CELF2: variants seen among roughly 807,000 people sequenced by gnomAD.
CELF2 encodes CUG triplet repeat RNA-binding protein 2.
In CELF2, 8 loss-of-function variants were observed where a neutral mutation model predicts 62.6. That is an observed-to-expected ratio of 0.13 (90% CI 0.07 to 0.23). The LOEUF is 0.23. CELF2 is among the 10% of genes least tolerant of loss of function. CELF2 has a pLI of 1.00. For missense variants in CELF2, 333 were observed against 671.0 expected (o/e 0.50, Z 5.56); for synonymous variants, 258 against 250.0 (o/e 1.03, Z -0.30).
the CELF2 span, among the ~76,000 whole-genome samples, chr10:10,684,489 T>C: frequency 6.6e-6 from 1 of 152,126 alleles, no homozygotes; most frequent in Non-Finnish European, 1.5e-5. Flanking sequence ...ACGCCTGTAA[T>C]CCCAGGACTT....
rs545994222 is a variant in CELF2 at position 11,078,864 on chromosome 10, G to T, written c.74+60701G>T. ...TGCTATTGGGCACATCCATTGCTTT[G>T]CTTTAGAGAATCATGCTGCTCCCTT... On this transcript the variant is annotated intron_variant, in intron 1 of 12. Coordinates refer to ENST00000633077, the MANE Select transcript of CELF2 (RefSeq NM_001326342.2). Among the ~76,000 whole-genome samples the T allele has an allele frequency of 2.0e-5, 3 of 152,266 alleles. No individual in the cohort carries two copies. In the East Asian group the frequency reaches 5.8e-4, roughly 29 times the overall value.
Position 11,318,440 on chromosome 10 carries a change from A to C in CELF2, c.1097-2749A>C, listed in dbSNP as rs1025603473. 1.0e-5 allele frequency: 3 copies of C among 295,590 alleles called. No individual in the cohort carries two copies. The highest frequency in any genetic ancestry group is 6.0e-5 in the South Asian group (2 of 33,608). The allele number at this position is 295,590 out of a possible 1,614,324, so 18.3% of individuals were successfully genotyped here. ...ATGGTACCGCCTCTGCCACCTCCCC[A>C]GGGAAACAGGGCTGGCCACAGCTGT... On this transcript the variant is annotated intron_variant, in intron 10 of 12. Coordinates refer to ENST00000633077, the MANE Select transcript of CELF2 (RefSeq NM_001326342.2). The surrounding 1 kb of genome is among the most constrained non-coding windows in gnomAD (Gnocchi z 5.4).
At chr10:10,641,254 C>A in the CELF2 span, among the ~76,000 whole-genome samples, 30 of 152,186 alleles carry the variant, frequency 2.0e-4, no homozygotes, top group Admixed American at 1.4e-3. Flanking sequence ...CTGCCTAATG[C>A]AACCTTCAGC....
At chr10:10,590,495 A>C in the CELF2 span, among the ~76,000 whole-genome samples, 4 of 152,192 alleles carry the variant, frequency 2.6e-5, no homozygotes, top group African/African-American at 9.6e-5. Context: ...ATTGAGAGTA[A>C]GTGGTGTAAT....
chr10:10,820,155 C>T (rs946033461), intron 1 of CELF2, among the ~76,000 whole-genome samples: 6 of 152,184 alleles, frequency 3.9e-5, no homozygotes, highest in African/African-American at 9.7e-5. Flanking sequence ...TTTCGCCTCC[C>T]GCCATGATTC....
At chr10:10,610,822 T>C in the CELF2 span, among the ~76,000 whole-genome samples, 1 of 152,156 alleles carries the variant, frequency 6.6e-6, no homozygotes, top group Admixed American at 6.5e-5. Context: ...AGACCAGTTA[T>C]AGTGATTAGG....
chr10:10,758,514 G>A, the CELF2 span, among the ~76,000 whole-genome samples: 1 of 152,204 alleles, frequency 6.6e-6, no homozygotes, highest in Admixed American at 6.5e-5. Context: ...ATGCTGCTAG[G>A]CAAAACGCCA....
chr10:10,909,655 G>A (rs7898939), intron 1 of CELF2, among the ~76,000 whole-genome samples: 130,622 of 152,238 alleles, frequency 0.86, 56,114 homozygotes, highest in South Asian at 0.94. Context: ...TGCTTTCTCA[G>A]TCACAAATAT....
At chr10:11,113,757 C>T (rs1304986969) in intron 1 of CELF2, among the ~76,000 whole-genome samples, 1 of 152,146 alleles carries the variant, frequency 6.6e-6, no homozygotes, top group Non-Finnish European at 1.5e-5. Context: ...TATGGATTTG[C>T]ATGAGCTGGG....
At chr10:10,716,933 G>A in the CELF2 span, among the ~76,000 whole-genome samples, 4 of 152,232 alleles carry the variant, frequency 2.6e-5, no homozygotes, top group South Asian at 4.1e-4. Context: ...TGAAATGCTC[G>A]TGTAATTTAA....
the CELF2 span, among the ~76,000 whole-genome samples, chr10:10,504,701 A>G: frequency 6.6e-6 from 1 of 152,080 alleles, no homozygotes; most frequent in Admixed American, 6.5e-5. Flanking sequence ...TATGTCCCTG[A>G]TACATTTCTG....
At chr10:11,012,948 C>T (rs945205994), upstream of CELF2, among the ~76,000 whole-genome samples, 1 of 152,060 alleles carries the variant, frequency 6.6e-6, no homozygotes, top group Non-Finnish European at 1.5e-5. The surrounding 1 kb of genome is among the most constrained non-coding windows in gnomAD (Gnocchi z 5.5). Flanking sequence ...CTTCTCCCCA[C>T]CCCTTCCCCA....
chr10:11,144,042 A>G (rs768304783), intron 1 of CELF2, among the ~76,000 whole-genome samples: 3 of 151,622 alleles, frequency 2.0e-5, no homozygotes, highest in Admixed American at 6.6e-5. Context: ...CTAGTGGTAC[A>G]TTTTCTTTTC....
At chr10:10,834,275 CAT>C (rs2132320994) in intron 1 of CELF2, among the ~76,000 whole-genome samples, 1 of 152,242 alleles carries the variant, frequency 6.6e-6, no homozygotes, top group African/African-American at 2.4e-5. Flanking sequence ...CAGACGGACA[CAT>C]AGAGGGGAAC....
intron 1 of CELF2, among the ~76,000 whole-genome samples, chr10:11,067,118 A>G (rs1024287190): frequency 6.6e-6 from 1 of 152,136 alleles, no homozygotes; most frequent in African/African-American, 2.4e-5. Flanking sequence ...TAGCGACATC[A>G]TCTCATGATT....
the CELF2 span, among the ~76,000 whole-genome samples, chr10:10,520,894 A>G: frequency 4.6e-5 from 7 of 152,334 alleles, no homozygotes; most frequent in Admixed American, 2.0e-4. Flanking sequence ...GGGGAAAAAA[A>G]GGGGAAGTTT....
the CELF2 span, among the ~76,000 whole-genome samples, chr10:10,500,123 A>G: frequency 1.3e-5 from 2 of 152,230 alleles, no homozygotes; most frequent in South Asian, 2.1e-4. Flanking sequence ...TCATTTGGGC[A>G]CTAAATAATA....
chr10:10,921,897 T>C (rs1470854210), intron 2 of CELF2, among the ~76,000 whole-genome samples: 1 of 152,170 alleles, frequency 6.6e-6, no homozygotes, highest in Non-Finnish European at 1.5e-5. Context: ...CATGCGTGAA[T>C]GTATTCATAT....
chr10:11,295,354 C>T (rs574993424), intron 9 of CELF2, among the ~76,000 whole-genome samples: 27 of 152,280 alleles, frequency 1.8e-4, no homozygotes, highest in African/African-American at 2.2e-4. Context: ...TTAAGAAAAG[C>T]GTCATTTTAC....
Sources: gnomAD v4.1 joint callset for allele counts (sites outside exome capture counted in the v4.1 genomes callset) on GRCh38, gnomAD v4.1.1 for gene constraint, Gnocchi (gnomAD v3.1) non-coding constraint, MANE v1.5 for transcripts, NCBI Gene and HGNC (gene_info 2026-07-23, HGNC 2026-07-21) for gene names.